Variants in CFAP54 observed in about 807,000 individuals in gnomAD.
CFAP54 encodes cilia and flagella associated protein 54, also known as cilia- and flagella-associated protein 54.
Under a neutral mutation model 370.4 loss-of-function variants are expected in CFAP54, and 290 were observed. That is an observed-to-expected ratio of 0.78 (90% CI 0.71 to 0.86). CFAP54 has a LOEUF of 0.86. Among genes scored for constraint, CFAP54 ranks in the 40% least tolerant of loss-of-function variants. CFAP54 has a pLI of 0.00. For synonymous variants in CFAP54, 1,206 were observed against 1,236.5 expected, an observed-to-expected ratio of 0.98 and a Z score of 0.52; for missense variants, 3,399 against 3,528.7, an observed-to-expected ratio of 0.96 and a Z score of 0.93.
chr12:96,657,873 T>A lies in CFAP54; in HGVS notation c.5101-9T>A. 6.4e-7 allele frequency: 1 copy of A among 1,567,492 alleles called. No homozygotes were observed. The highest frequency in any genetic ancestry group is 1.4e-5 in the African/African-American group (1 of 73,308). ...TTACACATTTTTTTTTTCACTGTGC[T>A]ACTTGCAGCCTATTGAAGACAAAGG... is the stretch of plus-strand genomic sequence containing the variant. On this transcript the variant is annotated splice_polypyrimidine_tract_variant and intron_variant, in intron 36 of 67. Coordinates refer to ENST00000524981, the MANE Select transcript of CFAP54 (RefSeq NM_001306084.2).
At chr12:96,745,047 C>G (rs746499347) in intron 55 of CFAP54, among the ~76,000 whole-genome samples, 6 of 152,170 alleles carry the variant, frequency 3.9e-5, no homozygotes, top group African/African-American at 7.2e-5. Flanking sequence ...GCATAATATT[C>G]CATGGTGTAT....
At chr12:96,519,121 T>A in intron 6 of CFAP54, 50 bp downstream of exon 6, 1 of 1,469,994 alleles carries the variant, frequency 6.8e-7, no homozygotes, top group Non-Finnish European at 9.1e-7. Flanking sequence ...TTTTTTGAGA[T>A]GGAATCTGGC....
Position 96,875,203 on chromosome 12 carries a change from G to A in CFAP54, c.*100G>A, listed in dbSNP as rs1960277285. 1 of 152,194 alleles carries A rather than the reference G, an allele frequency of 6.6e-6. No individual in the cohort carries two copies. Among genetic ancestry groups the A allele is most frequent in the African/African-American group, 2.4e-5 (1 of 41,452 alleles). 9.4% of individuals were successfully genotyped at this position (152,194 alleles called of 1,614,324 possible). ...ATATCTGTCAGCCTTTGGAAATTTGGTGAGAAGAAGTAGTCATGATTCAAT... is the reference window on the plus strand; with the variant it reads ...ATATCTGTCAGCCTTTGGAAATTTGATGAGAAGAAGTAGTCATGATTCAAT... On this transcript the variant is annotated 3_prime_UTR_variant, in exon 68 of 68. Coordinates refer to ENST00000524981, the MANE Select transcript of CFAP54 (RefSeq NM_001306084.2).
rs189959466 is a variant in CFAP54, at chr12:96,668,693, C to G, written c.5563+4761C>G. On this transcript the variant is annotated intron_variant, in intron 39 of 67. Coordinates refer to ENST00000524981, the MANE Select transcript of CFAP54 (RefSeq NM_001306084.2). ...TTTTGGAATGTTTTTGGCCATGCAG[C>G]TTGTAGGAATGATGCAATAGAATGA... Among the ~76,000 whole-genome samples, 150 of 152,214 alleles carry G rather than the reference C, an allele frequency of 9.9e-4. 1 individual carries two copies. The highest frequency in any genetic ancestry group is 1.6e-3 in the Non-Finnish European group (109 of 68,006).
intron 19 of CFAP54, among the ~76,000 whole-genome samples, chr12:96,573,287 G>A (rs1955942626): frequency 6.6e-6 from 1 of 152,206 alleles, no homozygotes; most frequent in Non-Finnish European, 1.5e-5. Flanking sequence ...ATACATTAAT[G>A]TTTAATGTTC....
intron 1 of CFAP54, among the ~76,000 whole-genome samples, chr12:96,491,156 G>C (rs1040290554): frequency 2.6e-5 from 4 of 152,020 alleles, no homozygotes; most frequent in African/African-American, 9.7e-5. Context: ...ATTTTAAATG[G>C]GGTGGTGAGA....
intron 60 of CFAP54, among the ~76,000 whole-genome samples, chr12:96,774,138 T>G (rs914544918): frequency 1.3e-5 from 2 of 152,132 alleles, no homozygotes; most frequent in Non-Finnish European, 2.9e-5. Context: ...CTGCTCATAA[T>G]CTTTCCCGAT....
chr12:96,618,498 T>G (rs1956447898), intron 26 of CFAP54, among the ~76,000 whole-genome samples: 1 of 152,142 alleles, frequency 6.6e-6, no homozygotes, highest in African/African-American at 2.4e-5. Context: ...ATGATAGGTT[T>G]GTGGATGGGA....
Position 96,657,929 on chromosome 12 carries a change from T to G in CFAP54, c.5148T>G (p.Asn1716Lys). 2 of 1,613,874 alleles carry G rather than the reference T, an allele frequency of 1.2e-6. No individual in the cohort carries two copies. The highest frequency in any genetic ancestry group is 1.7e-6 in the Non-Finnish European group (2 of 1,179,868). The change falls in exon 37 of 68, where the codon AAT (asparagine) becomes AAG (lysine). Residue 1716 changes from asparagine (N) to lysine (K), a missense_variant. Transcript: ENST00000524981. ...TCAGTGTTCCAAGCTGTTATGGGAA[T>G]ATTAAAAATGACAACGGTGGTTCTA... ...GEFSVPSCYG[N>K]IKNDNGGSSL...
chr12:96,705,371 GC>G (rs1957536335), intron 47 of CFAP54, among the ~76,000 whole-genome samples: 2 of 149,996 alleles, frequency 1.3e-5, no homozygotes, highest in Non-Finnish European at 3.0e-5. Flanking sequence ...CTATTATTGT[GC>G]ATTTTATTCC....
At chr12:96,725,587 G>GA (rs1180058344) in intron 50 of CFAP54, among the ~76,000 whole-genome samples, 3 of 152,152 alleles carry the variant, frequency 2.0e-5, no homozygotes, top group Non-Finnish European at 4.4e-5. Context: ...CTGAGACGAT[G>GA]GGTTTTCTAG....
chr12:96,671,923 C>CA lies in CFAP54; in HGVS notation c.5564-7671dup, dbSNP rs1957150936. Among the ~76,000 whole-genome samples the CA allele has an allele frequency of 4.5e-5, 6 of 132,082 alleles. No homozygotes were observed. The East Asian group carries it at 8.5e-4, about 19-fold the overall frequency. The allele number at this position is 132,082 out of a possible 152,430, so 86.7% of individuals were successfully genotyped here. A position where few individuals can be genotyped will look rare whatever the true frequency, so the allele number is the denominator to read the frequency against. ...CATGACAAGAGTGAAACTCTTATCT[C>CA]AAAAAAGAGAGAGAGAGAGAGAGAG... On this transcript the variant is annotated intron_variant, in intron 39 of 67. Transcript: ENST00000524981.
intron 39 of CFAP54, among the ~76,000 whole-genome samples, chr12:96,670,181 C>G (rs1390546266): frequency 6.6e-6 from 1 of 152,072 alleles, no homozygotes; most frequent in Non-Finnish European, 1.5e-5. Flanking sequence ...GTGGTGAACC[C>G]CTGTAGAGTC....
intron 39 of CFAP54, among the ~76,000 whole-genome samples, chr12:96,669,059 T>G (rs1385279544): frequency 6.6e-6 from 1 of 152,140 alleles, no homozygotes; most frequent in Non-Finnish European, 1.5e-5. Context: ...GATTATAGTA[T>G]AGAGTGATAA....
intron 55 of CFAP54, among the ~76,000 whole-genome samples, chr12:96,746,120 C>T (rs1211822571): frequency 6.6e-6 from 1 of 152,142 alleles, no homozygotes; most frequent in African/African-American, 2.4e-5. Context: ...TCTGTCCTTC[C>T]TGGGGACCTT....
intron 66 of CFAP54, among the ~76,000 whole-genome samples, chr12:96,854,916 T>G (rs748638875): frequency 6.6e-6 from 1 of 152,208 alleles, no homozygotes; most frequent in African/African-American, 2.4e-5. Flanking sequence ...TAAGCCTGTA[T>G]TAGTATGTTC....
intron 25 of CFAP54, among the ~76,000 whole-genome samples, chr12:96,596,429 G>A (rs1319738031): frequency 3.9e-5 from 6 of 151,994 alleles, no homozygotes; most frequent in Admixed American, 6.6e-5. Context: ...CAATATATAT[G>A]AGAATGTAAT....
intron 50 of CFAP54, among the ~76,000 whole-genome samples, chr12:96,722,992 A>T (rs1957776748): frequency 6.6e-6 from 1 of 152,184 alleles, no homozygotes; most frequent in Admixed American, 6.5e-5. Context: ...TGTACAATTG[A>T]AGATGTCAAG....
intron 9 of CFAP54, 40 bp from the exon 10 acceptor site, chr12:96,533,752 T>G: frequency 7.4e-7 from 1 of 1,354,358 alleles, no homozygotes; most frequent in South Asian, 1.5e-5. Context: ...AATATTTATT[T>G]GCATGAGTGA....
Sources: gnomAD v4.1 joint callset for allele counts (sites outside exome capture counted in the v4.1 genomes callset) on GRCh38, gnomAD v4.1.1 for gene constraint, MANE v1.5 for transcripts, NCBI Gene and HGNC (gene_info 2026-07-23, HGNC 2026-07-21) for gene names.